MAML3: variants seen among roughly 807,000 people sequenced by gnomAD.
The protein encoded by MAML3 is mastermind-like protein 3.
In MAML3, 27 loss-of-function variants were observed where a neutral mutation model predicts 101.9. The observed-to-expected ratio is 0.27, with a 90% CI of 0.20 to 0.37. The LOEUF (loss-of-function observed/expected upper bound fraction) is 0.37. Ranked by LOEUF, MAML3 falls within the 10% of genes least tolerant of loss-of-function variation. MAML3 has a pLI of 1.00. For missense variants in MAML3, 1,316 were observed against 1,444.9 expected, an observed-to-expected ratio of 0.91 and a Z score of 1.45; for synonymous variants, 501 against 555.9, an observed-to-expected ratio of 0.90 and a Z score of 1.39.
At chr4:139,837,888 C>G (rs748960803) in intron 2 of MAML3, among the ~76,000 whole-genome samples, 6 of 152,158 alleles carry the variant, frequency 3.9e-5, no homozygotes, top group Non-Finnish European at 8.8e-5. Flanking sequence ...CCACTGCACT[C>G]CAGCCTGTGC....
intron 1 of MAML3, among the ~76,000 whole-genome samples, chr4:139,988,132 G>C (rs1734585590): frequency 6.6e-6 from 1 of 150,742 alleles, no homozygotes; most frequent in Non-Finnish European, 1.5e-5. Flanking sequence ...TTCAAGACCA[G>C]CCTGGCCAAC....
At chr4:139,729,483 C>T (rs1477661672) in intron 3 of MAML3, among the ~76,000 whole-genome samples, 1 of 152,114 alleles carries the variant, frequency 6.6e-6, no homozygotes, top group Admixed American at 6.6e-5. Flanking sequence ...TCATAAAATT[C>T]TGACCCTATC....
chr4:139,722,991 G>T (rs1328558241), intron 4 of MAML3, among the ~76,000 whole-genome samples: 1 of 152,198 alleles, frequency 6.6e-6, no homozygotes, highest in East Asian at 1.9e-4. Flanking sequence ...CGTGTTCCAC[G>T]TCACGAATAG....
chr4:139,905,624 A>G (rs1732811443), intron 1 of MAML3, among the ~76,000 whole-genome samples: 2 of 152,164 alleles, frequency 1.3e-5, no homozygotes, highest in South Asian at 4.1e-4. Flanking sequence ...AACAACATAC[A>G]TTAATTTTCT....
At chr4:139,760,071 T>C (rs1356595563) in intron 2 of MAML3, among the ~76,000 whole-genome samples, 2 of 152,240 alleles carry the variant, frequency 1.3e-5, no homozygotes, top group Non-Finnish European at 2.9e-5. Flanking sequence ...AAACAGTGCA[T>C]AGAAGTCAAG....
At chr4:139,896,360 AT>A (rs1005663323) in intron 1 of MAML3, among the ~76,000 whole-genome samples, 5 of 152,214 alleles carry the variant, frequency 3.3e-5, no homozygotes, top group Admixed American at 2.6e-4. Flanking sequence ...TCGTGGAAGA[AT>A]CACAGAAACT....
At chr4:139,725,251 GT>G (rs1235922715) in intron 4 of MAML3, among the ~76,000 whole-genome samples, 2 of 152,216 alleles carry the variant, frequency 1.3e-5, no homozygotes, top group Admixed American at 1.3e-4. Flanking sequence ...AAAGAGACTA[GT>G]GGTTGTTGCA....
chr4:139,822,574 C>T (rs779847097), intron 2 of MAML3, among the ~76,000 whole-genome samples: 4 of 152,220 alleles, frequency 2.6e-5, no homozygotes, highest in Non-Finnish European at 5.9e-5. Flanking sequence ...AGAACAGCAT[C>T]TGCTCCATCA....
chr4:140,081,865 T>C (rs1025268339), intron 1 of MAML3, among the ~76,000 whole-genome samples: 2 of 152,216 alleles, frequency 1.3e-5, no homozygotes, highest in African/African-American at 4.8e-5. Flanking sequence ...TTTCTTTTTC[T>C]ATTAGGTTTA....
rs1043993042 is a variant in MAML3 at position 139,771,798 on chromosome 4, C to T, written c.2080-41131G>A. Among the ~76,000 whole-genome samples the T allele has an allele frequency of 8.6e-5, 13 of 152,010 alleles. No homozygotes were observed. In the East Asian group the frequency reaches 1.9e-3, roughly 23 times the overall value. On this transcript the variant is annotated intron_variant, in intron 2 of 4. Transcript: ENST00000509479. ...ACAGGTGCTTTGAAGATGTAGCTTT[C>T]GGGGGCCCATCCCAGATTTGGATCT... is the stretch of plus-strand genomic sequence containing the variant.
chr4:140,136,013 G>A (rs1185807330), intron 1 of MAML3, among the ~76,000 whole-genome samples: 1 of 152,148 alleles, frequency 6.6e-6, no homozygotes, highest in East Asian at 1.9e-4. Context: ...TTAAGAATGG[G>A]GTGGCAGGAA....
chr4:139,899,069 C>T (rs185566091), intron 1 of MAML3, among the ~76,000 whole-genome samples: 1 of 152,180 alleles, frequency 6.6e-6, no homozygotes, highest in Non-Finnish European at 1.5e-5. Context: ...GGTGGGGGCA[C>T]AGGTATCTAA....
At chr4:139,756,648 T>C (rs1056215453) in intron 2 of MAML3, among the ~76,000 whole-genome samples, 5 of 152,224 alleles carry the variant, frequency 3.3e-5, no homozygotes, top group African/African-American at 1.2e-4. Context: ...TTTAGGCTCC[T>C]ACCAGCATGG....
At chr4:139,822,262 CA>C in intron 2 of MAML3, among the ~76,000 whole-genome samples, 1 of 150,248 alleles carries the variant, frequency 6.7e-6, no homozygotes, top group African/African-American at 2.5e-5. Context: ...CCACCACCAC[CA>C]CCACCACCAT....
rs546796008 is a variant in MAML3, at chr4:139,772,227, G to C, written c.2080-41560C>G. On this transcript the variant is annotated intron_variant, in intron 2 of 4. Transcript: ENST00000509479. Reference sequence around the variant, plus strand: ...TGCACTCCAGCCTGGGTGACAGAGCGAGACTCCGTTCTCAAAAAAAAAAAA... The same window carrying C: ...TGCACTCCAGCCTGGGTGACAGAGCCAGACTCCGTTCTCAAAAAAAAAAAA... Among the ~76,000 whole-genome samples the C allele has an allele frequency of 4.3e-3, 408 of 94,344 alleles. 3 individuals carry two copies. The highest frequency in any genetic ancestry group is 6.4e-3 in the Non-Finnish European group (329 of 51,182). The allele number at this position is 94,344 out of a possible 152,430, so 61.9% of individuals were successfully genotyped here.
intron 1 of MAML3, among the ~76,000 whole-genome samples, chr4:140,018,608 TC>T (rs570812028): frequency 1.4e-3 from 208 of 152,344 alleles, no homozygotes; most frequent in Non-Finnish European, 2.5e-3. Flanking sequence ...TTACTTTTTT[TC>T]CATTCATTCA....
chr4:139,921,896 C>T (rs1418048854), intron 1 of MAML3, among the ~76,000 whole-genome samples: 2 of 152,206 alleles, frequency 1.3e-5, no homozygotes, highest in Admixed American at 6.5e-5. Flanking sequence ...AAACCCTATG[C>T]CAATCCAATA....
chr4:140,047,140 G>T (rs1394250422), intron 1 of MAML3, among the ~76,000 whole-genome samples: 5 of 152,188 alleles, frequency 3.3e-5, no homozygotes, highest in African/African-American at 9.7e-5. Context: ...GATCAGGGGA[G>T]AAACGGTCTG....
At chr4:139,965,609 A>G (rs569998211) in intron 1 of MAML3, among the ~76,000 whole-genome samples, 2 of 152,362 alleles carry the variant, frequency 1.3e-5, no homozygotes, top group East Asian at 3.9e-4. Flanking sequence ...TGTTGTAACA[A>G]TGGTGTGTTT....
Sources: allele counts gnomAD v4.1 joint callset (sites outside exome capture counted in the v4.1 genomes callset), GRCh38; gene constraint gnomAD v4.1.1; transcripts MANE v1.5; gene names NCBI Gene and HGNC (gene_info 2026-07-23, HGNC 2026-07-21).